The following GPR107 variants were observed in gnomAD, a reference collection of about 807,000 sequenced individuals.
GPR107 encodes the protein protein GPR107.
A neutral mutation model predicts 75.5 loss-of-function variants in GPR107; 31 were observed. That is an observed-to-expected ratio of 0.41 (90% confidence interval 0.31 to 0.55). The LOEUF (loss-of-function observed/expected upper bound fraction) is 0.55, where lower values mean the gene tolerates loss of function less well. Among genes scored for constraint, GPR107 ranks in the 20% least tolerant of loss-of-function variants. The pLI is 0.26. For missense variants in GPR107, 572 were observed against 665.7 expected, an observed-to-expected ratio of 0.86 and a Z score of 1.55; for synonymous variants, 267 against 251.3, an observed-to-expected ratio of 1.06 and a Z score of -0.59.
At chr9:130,068,484 T>C (rs1166508643) in intron 1 of GPR107, among the ~76,000 whole-genome samples, 1 of 152,150 alleles carries the variant, frequency 6.6e-6, no homozygotes, top group Non-Finnish European at 1.5e-5. Context: ...TGTGGGTTAA[T>C]ATAAGTCTGT....
chr9:130,120,562 C>T (rs559640658), intron 14 of GPR107, among the ~76,000 whole-genome samples: 2 of 152,326 alleles, frequency 1.3e-5, no homozygotes, highest in South Asian at 4.1e-4. Flanking sequence ...AACTTCATTG[C>T]CTTGTTGCTC....
chr9:130,134,509 T>G (rs567457583), intron 17 of GPR107, among the ~76,000 whole-genome samples: 1 of 152,372 alleles, frequency 6.6e-6, no homozygotes, highest in East Asian at 1.9e-4. Context: ...CAGCCAGTTC[T>G]CTGTCTATAG....
chr9:130,101,302 G>C, intron 12 of GPR107, 79 bp downstream of exon 12: 1 of 778,252 alleles, frequency 1.3e-6, no homozygotes, highest in Non-Finnish European at 2.3e-6. Context: ...TATGGGAAGA[G>C]GGAGTCACCT....
chr9:130,101,970 C>G (rs1474973708), intron 12 of GPR107, among the ~76,000 whole-genome samples: 1 of 152,306 alleles, frequency 6.6e-6, no homozygotes, highest in East Asian at 1.9e-4. Context: ...GCAGAGTTTG[C>G]AGCAGAGCTC....
intron 9 of GPR107, among the ~76,000 whole-genome samples, chr9:130,096,009 C>G (rs1464693713): frequency 6.7e-6 from 1 of 150,148 alleles, no homozygotes; most frequent in African/African-American, 2.5e-5. Flanking sequence ...GACTGGAACT[C>G]GGGTCTGCTT....
chr9:130,104,526 G>T lies in GPR107; in HGVS notation c.1238G>T (p.Gly413Val), dbSNP rs760256154. 6.2e-7 allele frequency: 1 copy of T among 1,613,942 alleles called. No homozygotes were observed. The highest frequency in any genetic ancestry group is 8.5e-7 in the Non-Finnish European group (1 of 1,179,828). ...TTTCTGGTCGACCTGTTGTGTTGTGGTGCCATCCTCTTCCCAGTGGTGTGG... is the reference window on the plus strand; with the variant it reads ...TTTCTGGTCGACCTGTTGTGTTGTGTTGCCATCCTCTTCCCAGTGGTGTGG... ...SLFLVDLLCC[G>V]AILFPVVWSI... is the part of the protein sequence containing the mutation. The change falls in exon 13 of 18, where the codon GGT (glycine) becomes GTT (valine). Residue 413 changes from glycine to valine, a missense_variant. Gly to Val is a moderately radical substitution (Grantham distance 109, BLOSUM62 -3). Transcript: ENST00000347136.
intron 10 of GPR107, among the ~76,000 whole-genome samples, chr9:130,099,972 G>A (rs1460261886): frequency 3.1e-5 from 4 of 127,726 alleles, no homozygotes; most frequent in Admixed American, 9.5e-5. Context: ...TCTGTTTACT[G>A]CAAGCTCCTC....
Position 130,067,613 on chromosome 9 carries a change from G to C in GPR107, c.142-8023G>C, listed in dbSNP as rs932178152. 4.0e-5 allele frequency among the ~76,000 whole-genome samples: 6 copies of C among 151,870 alleles called. No individual in the cohort carries two copies. The East Asian group carries it at 7.7e-4, about 19-fold the overall frequency. ...TAGCTGGTGGATTTTTGTTATGTGA[G>C]TGAATTTGACCCCATTCCATTTGTG... On this transcript the variant is annotated intron_variant, in intron 1 of 17. Transcript: ENST00000347136.
intron 8 of GPR107, 71 bp downstream of exon 8, chr9:130,091,054 G>A (rs1830722175): frequency 1.4e-6 from 1 of 718,296 alleles, no homozygotes; most frequent in Non-Finnish European, 2.5e-6. Context: ...TTCTGTATAA[G>A]ATTAGATTTT....
intron 1 of GPR107, among the ~76,000 whole-genome samples, chr9:130,064,200 TTTTTTTTTG>T (rs1830008421): frequency 3.0e-5 from 2 of 66,846 alleles, no homozygotes; most frequent in Admixed American, 1.7e-4. Flanking sequence ...TTTTTTTTTT[TTTTTTTTTG>T]AGACGGAGTC....
intron 2 of GPR107, 92 bp downstream of exon 2, chr9:130,075,841 G>A (rs949666138): frequency 7.8e-6 from 5 of 638,274 alleles, no homozygotes; most frequent in Middle Eastern, 4.2e-4. Context: ...GGAGTGCGGT[G>A]GCGCAATCTC....
intron 14 of GPR107, chr9:130,110,471 A>G (rs1331250846): frequency 5.3e-6 from 5 of 938,518 alleles, no homozygotes; most frequent in Admixed American, 2.0e-5. Context: ...GACATCTGCT[A>G]AGGAAGCACC....
chr9:130,134,344 G>A (rs1345535610), intron 17 of GPR107, among the ~76,000 whole-genome samples: 8 of 152,220 alleles, frequency 5.3e-5, no homozygotes, highest in East Asian at 1.9e-4. Flanking sequence ...CGAGACCAGC[G>A]ATCTTCCATT....
intron 3 of GPR107, among the ~76,000 whole-genome samples, 199 bp downstream of exon 3, chr9:130,076,661 T>C (rs982609649): frequency 6.6e-6 from 1 of 151,976 alleles, no homozygotes; most frequent in African/African-American, 2.4e-5. Context: ...ACTACCAGCG[T>C]GTGCCACCAC....
chr9:130,084,817 A>G (rs753461679), intron 6 of GPR107, among the ~76,000 whole-genome samples: 1 of 151,976 alleles, frequency 6.6e-6, no homozygotes, highest in Non-Finnish European at 1.5e-5. Flanking sequence ...TCTAAGTTGC[A>G]CAGCACTTAC....
At chr9:130,078,105 C>T (rs1830401968) in intron 4 of GPR107, among the ~76,000 whole-genome samples, 1 of 150,706 alleles carries the variant, frequency 6.6e-6, no homozygotes, top group Non-Finnish European at 1.5e-5. Flanking sequence ...GCGGAGCTTG[C>T]GGTGAGCCGA....
chr9:130,104,313 C>T (rs191685431), intron 12 of GPR107, 107 bp from the exon 13 acceptor site: 111 of 878,108 alleles, frequency 1.3e-4, no homozygotes, highest in Non-Finnish European at 1.8e-4. Flanking sequence ...ATGCTGTGGT[C>T]GCAGATCGTG....
intron 9 of GPR107, among the ~76,000 whole-genome samples, chr9:130,095,693 C>T (rs1029475464): frequency 1.3e-3 from 6 of 4,708 alleles, no homozygotes; most frequent in Non-Finnish European, 2.0e-3. Context: ...GCACCCAGAC[C>T]GTGATAACAC....
At chr9:130,113,574 T>C (rs952806068) in intron 14 of GPR107, among the ~76,000 whole-genome samples, 2 of 152,180 alleles carry the variant, frequency 1.3e-5, no homozygotes, top group African/African-American at 4.8e-5. Context: ...GCAGAGGTGA[T>C]ACTAACAATG....
Sources: gnomAD v4.1 joint callset for allele counts (sites outside exome capture counted in the v4.1 genomes callset) on GRCh38, gnomAD v4.1.1 for gene constraint, MANE v1.5 for transcripts, NCBI Gene and HGNC (gene_info 2026-07-23, HGNC 2026-07-21) for gene names.